SCN8A: variants seen among roughly 807,000 people sequenced by gnomAD.
SCN8A encodes the protein sodium channel protein type 8 subunit alpha.
SCN8A carries 30 observed loss-of-function variants against 184.1 expected under a neutral mutation model. The observed-to-expected ratio is 0.16, with a 90% confidence interval of 0.12 to 0.22. The LOEUF (loss-of-function observed/expected upper bound fraction) is 0.22. Among genes scored for constraint, SCN8A ranks in the 10% least tolerant of loss-of-function variants. SCN8A has a pLI of 1.00. For synonymous variants in SCN8A, 852 were observed against 907.0 expected, an observed-to-expected ratio of 0.94 and a Z score of 1.09; for missense variants, 1,057 against 2,498.9, an observed-to-expected ratio of 0.42 and a Z score of 12.30.
chr12:51,730,537 C>T (rs1289443624), intron 12 of SCN8A, among the ~76,000 whole-genome samples: 2 of 152,054 alleles, frequency 1.3e-5, no homozygotes, highest in Non-Finnish European at 2.9e-5. Flanking sequence ...AGAGCCTTTG[C>T]ATGTCCTTAG....
chr12:51,715,746 G>T (rs1487882187), intron 11 of SCN8A, among the ~76,000 whole-genome samples: 1 of 150,980 alleles, frequency 6.6e-6, no homozygotes, highest in African/African-American at 2.4e-5. Flanking sequence ...AAGGCCTAAT[G>T]TACCAGGTAG....
rs549563285 is a variant in SCN8A at position 51,648,537 on chromosome 12, G to A, written c.-54-14227G>A. On this transcript the variant is annotated intron_variant, in intron 1 of 26. Coordinates refer to ENST00000627620, the MANE Select transcript of SCN8A (RefSeq NM_001330260.2). ...TTAATTGGACTCACAGTTCCATATG[G>A]CTGGGGAGGCCTCAGAATCATGGCA... 2.0e-5 allele frequency among the ~76,000 whole-genome samples: 3 copies of A among 152,300 alleles called. No individual in the cohort carries two copies. In the East Asian group the frequency reaches 5.8e-4, roughly 29 times the overall value.
At chr12:51,721,105 A>ATATATATATATATATATATATG (rs1565899386) in intron 11 of SCN8A, among the ~76,000 whole-genome samples, 1 of 107,914 alleles carries the variant, frequency 9.3e-6, no homozygotes, top group African/African-American at 3.8e-5. Flanking sequence ...ATATATATAT[A>ATATATATATATATATATATATG]TAATATTTAT....
intron 26 of SCN8A, among the ~76,000 whole-genome samples, chr12:51,796,281 T>G (rs1196369925): frequency 5.3e-5 from 8 of 152,096 alleles, no homozygotes. Flanking sequence ...AGTGAGCAAG[T>G]GGGGATTCAA....
chr12:51,749,408 C>G (rs1326719891), intron 13 of SCN8A, among the ~76,000 whole-genome samples: 1 of 152,186 alleles, frequency 6.6e-6, no homozygotes, highest in Non-Finnish European at 1.5e-5. Context: ...GCTTCAACCT[C>G]CACGTGCCAA....
intron 1 of SCN8A, among the ~76,000 whole-genome samples, chr12:51,655,264 T>C (rs1285677384): frequency 2.0e-5 from 3 of 152,244 alleles, no homozygotes; most frequent in Admixed American, 1.3e-4. Context: ...CTTTCATTCC[T>C]GTTATAACCG....
chr12:51,716,567 G>A (rs1941968375), intron 11 of SCN8A, among the ~76,000 whole-genome samples: 1 of 152,142 alleles, frequency 6.6e-6, no homozygotes, highest in African/African-American at 2.4e-5. Flanking sequence ...TGAGAAAACA[G>A]TGAAAGATGA....
chr12:51,750,617 G>A (rs1424900929), intron 13 of SCN8A, among the ~76,000 whole-genome samples: 1 of 152,194 alleles, frequency 6.6e-6, no homozygotes, highest in Non-Finnish European at 1.5e-5. Context: ...TGGCTTGGTC[G>A]ATGATGCTGG....
At chr12:51,709,978 T>G (rs544773159) in intron 11 of SCN8A, among the ~76,000 whole-genome samples, 1 of 152,226 alleles carries the variant, frequency 6.6e-6, no homozygotes, top group African/African-American at 2.4e-5. Context: ...GAGTTTGAGA[T>G]CAGCCTGGGC....
rs1226432815 is a variant in SCN8A, at chr12:51,806,583, T to C, written c.5097T>C (p.Phe1699=). Residue 1699 remains phenylalanine (F), a synonymous_variant, in exon 27 of 27, where the codon TTT becomes TTC. Coordinates refer to ENST00000627620, the MANE Select transcript of SCN8A (RefSeq NM_001330260.2). The surrounding 1 kb of genome is among the most constrained non-coding windows in gnomAD (Gnocchi z 8.7). ...TTGGCAACAGCATGATCTGCCTGTT[T>C]CAAATCACAACCTCAGCTGGTTGGG... is the stretch of plus-strand genomic sequence containing the variant. ...ETFGNSMICL[F]QITTSAGWDG... 1.9e-6 allele frequency: 3 copies of C among 1,614,062 alleles called. No individual in the cohort carries two copies. Among genetic ancestry groups the C allele is most frequent in the Non-Finnish European group, 8.5e-7 (1 of 1,180,032 alleles).
chr12:51,716,974 G>A (rs1941975998), intron 11 of SCN8A, among the ~76,000 whole-genome samples: 1 of 152,108 alleles, frequency 6.6e-6, no homozygotes, highest in Non-Finnish European at 1.5e-5. Context: ...GTAGGCCAGA[G>A]CCTTCCAAAA....
chr12:51,591,767 C>A (rs1423255166), intron 1 of SCN8A, among the ~76,000 whole-genome samples: 1 of 152,084 alleles, frequency 6.6e-6, no homozygotes, highest in Non-Finnish European at 1.5e-5. Context: ...CTGTCGGGAT[C>A]TTCCTACAGC....
intron 21 of SCN8A, among the ~76,000 whole-genome samples, chr12:51,781,099 A>G (rs1347251444): frequency 6.6e-6 from 1 of 152,116 alleles, no homozygotes; most frequent in Non-Finnish European, 1.5e-5. Flanking sequence ...CCAGGTGCAA[A>G]GAAGGGGAAT....
At chr12:51,742,868 G>T (rs546749968) in intron 12 of SCN8A, among the ~76,000 whole-genome samples, 1 of 152,056 alleles carries the variant, frequency 6.6e-6, no homozygotes, top group South Asian at 2.1e-4. Flanking sequence ...GCTAGATCTT[G>T]CAGGTGTGCT....
intron 2 of SCN8A, among the ~76,000 whole-genome samples, chr12:51,681,146 G>A (rs1471253501): frequency 6.6e-6 from 1 of 152,098 alleles, no homozygotes; most frequent in Admixed American, 6.5e-5. Flanking sequence ...TTTCATTGTT[G>A]CTTAGCTGCC....
rs535576024 is a variant in SCN8A, at chr12:51,713,020, C to G, written c.1635+6305C>G. On this transcript the variant is annotated intron_variant, in intron 11 of 26. Transcript: ENST00000627620. Reference sequence around the variant, plus strand: ...TTTAGAAAGGGCCTTTTTCACTTCACAATTATGCCCATTAATAGTGTGGTA... The same window carrying G: ...TTTAGAAAGGGCCTTTTTCACTTCAGAATTATGCCCATTAATAGTGTGGTA... 1.2e-5 allele frequency: 18 copies of G among 1,562,930 alleles called. No individual in the cohort carries two copies. The East Asian group carries it at 3.8e-4, about 33-fold the overall frequency.
At chr12:51,617,810 A>C (rs1939873317) in intron 1 of SCN8A, among the ~76,000 whole-genome samples, 1 of 152,152 alleles carries the variant, frequency 6.6e-6, no homozygotes, top group Non-Finnish European at 1.5e-5. Context: ...GGGGTCCAAA[A>C]TCAGTTCAGT....
At chr12:51,803,716 A>T (rs1377009423) in intron 26 of SCN8A, among the ~76,000 whole-genome samples, 3 of 152,130 alleles carry the variant, frequency 2.0e-5, no homozygotes, top group Non-Finnish European at 2.9e-5. Flanking sequence ...AATATATATT[A>T]TATAACCTGA....
At position 51,810,865 on chromosome 12, in the gene SCN8A, G is replaced by A. The variant is rs148484251; in HGVS notation, c.*3436G>A. 1.1e-4 allele frequency: 17 copies of A among 152,290 alleles called. No homozygotes were observed. The East Asian group carries it at 3.1e-3, about 28-fold the overall frequency. The allele number at this position is 152,290 out of a possible 1,614,324, so 9.4% of individuals were successfully genotyped here. Reference sequence around the variant, plus strand: ...CCTTTCTAAACGAGCCACTTTTGGCGTCAGAAGTTGACTGGAGAGAGATAA... The same window carrying A: ...CCTTTCTAAACGAGCCACTTTTGGCATCAGAAGTTGACTGGAGAGAGATAA... On this transcript the variant is annotated 3_prime_UTR_variant, in exon 27 of 27. Coordinates refer to ENST00000627620, the MANE Select transcript of SCN8A (RefSeq NM_001330260.2).
Sources: allele counts gnomAD v4.1 joint callset (sites outside exome capture counted in the v4.1 genomes callset), GRCh38; gene constraint gnomAD v4.1.1; non-coding constraint Gnocchi (gnomAD v3.1); transcripts MANE v1.5; gene names NCBI Gene and HGNC (gene_info 2026-07-23, HGNC 2026-07-21).